The following EXT2 variants were observed in gnomAD, a reference collection of about 807,000 sequenced individuals.
EXT2 encodes exostosin-2.
In EXT2, 53 loss-of-function variants were observed where a neutral mutation model predicts 81.6. The ratio of observed to expected loss-of-function variants is 0.65; its 90% CI spans 0.52 to 0.82. The LOEUF (loss-of-function observed/expected upper bound fraction) is 0.82, where lower values mean the gene tolerates loss of function less well. EXT2 is among the 40% of genes least tolerant of loss of function. The pLI is 0.00. For synonymous variants in EXT2, 320 were observed against 340.0 expected, an observed-to-expected ratio of 0.94 and a Z score of 0.65; for missense variants, 774 against 910.2, an observed-to-expected ratio of 0.85 and a Z score of 1.93.
chr11:44,144,140 A>T lies in EXT2; in HGVS notation c.1173+14002A>T, dbSNP rs886658635. ...GGTTTTAGCATAGCAAACATGGAAA[A>T]TCTCGCCCCAGGCAGATTCCTTTAT... On this transcript the variant is annotated intron_variant, in intron 7 of 13. Transcript: ENST00000533608. 4.3e-6 allele frequency: 4 copies of T among 928,438 alleles called. No homozygotes were observed. In the East Asian group the frequency reaches 7.2e-5, roughly 17 times the overall value. 57.5% of individuals were successfully genotyped at this position (928,438 alleles called of 1,614,324 possible).
intron 7 of EXT2, among the ~76,000 whole-genome samples, chr11:44,167,705 A>G (rs1287823449): frequency 6.6e-6 from 1 of 152,212 alleles, no homozygotes; most frequent in Admixed American, 6.5e-5. Flanking sequence ...GACCAAAATG[A>G]AGAGAAAAAC....
chr11:44,118,362 A>G (rs998291274), intron 4 of EXT2, among the ~76,000 whole-genome samples: 2 of 152,196 alleles, frequency 1.3e-5, no homozygotes, highest in Non-Finnish European at 2.9e-5. Flanking sequence ...ATTTATCTTC[A>G]TATGGTACAG....
rs558598597 is a variant in EXT2, at chr11:44,114,012, G to A, written c.627-173G>A. ...AAGGCTGGTGATTCAAGGATAGAAC[G>A]CAGCTGATGGCCCCGAGATGCGTGT... On this transcript the variant is annotated intron_variant, in intron 3 of 13. Transcript: ENST00000533608. 1.4e-4 allele frequency among the ~76,000 whole-genome samples: 21 copies of A among 152,182 alleles called. No individual in the cohort carries two copies. The South Asian group carries it at 4.4e-3, about 32-fold the overall frequency.
At chr11:44,178,767 C>T (rs939604806) in intron 8 of EXT2, among the ~76,000 whole-genome samples, 1 of 151,568 alleles carries the variant, frequency 6.6e-6, no homozygotes, top group Non-Finnish European at 1.5e-5. Flanking sequence ...TTGGCTTATT[C>T]TCTCCATCTT....
intron 10 of EXT2, among the ~76,000 whole-genome samples, chr11:44,212,820 G>A (rs1328222234): frequency 2.0e-5 from 3 of 152,204 alleles, no homozygotes; most frequent in Non-Finnish European, 4.4e-5. Context: ...AAAGTCAGAT[G>A]TAGGAGGCTA....
At chr11:44,224,651 T>C (rs923965599) in intron 10 of EXT2, among the ~76,000 whole-genome samples, 1 of 152,182 alleles carries the variant, frequency 6.6e-6, no homozygotes, top group Admixed American at 6.5e-5. Context: ...AGCAGATTTA[T>C]GCTTTGAAGC....
intron 9 of EXT2, among the ~76,000 whole-genome samples, chr11:44,198,710 G>A (rs559160892): frequency 6.6e-6 from 1 of 152,330 alleles, no homozygotes; most frequent in South Asian, 2.1e-4. Flanking sequence ...GCCTATTAAA[G>A]CCAGGAAGTT....
chr11:44,121,227 G>A lies in EXT2; in HGVS notation c.744-3562G>A, dbSNP rs75511001. On this transcript the variant is annotated intron_variant, in intron 4 of 13. Coordinates refer to ENST00000533608, the MANE Select transcript of EXT2 (RefSeq NM_207122.2). ...GTTGAAAATGGAGTAGCAGTAGAGC[G>A]GGGATCCAGTGATCCTGGTAACTGA... is the stretch of plus-strand genomic sequence containing the variant. 3.4e-3 allele frequency among the ~76,000 whole-genome samples: 524 copies of A among 152,292 alleles called. 5 individuals are homozygous for A. Among genetic ancestry groups the A allele is most frequent in the East Asian group, 0.031 (158 of 5,180 alleles).
chr11:44,157,901 T>C (rs1954877979), intron 7 of EXT2, among the ~76,000 whole-genome samples: 1 of 152,182 alleles, frequency 6.6e-6, no homozygotes, highest in Non-Finnish European at 1.5e-5. Flanking sequence ...GTACCACTGA[T>C]GTTTATTCAG....
intron 7 of EXT2, among the ~76,000 whole-genome samples, chr11:44,138,844 T>C (rs1262948545): frequency 6.6e-6 from 1 of 152,170 alleles, no homozygotes; most frequent in Non-Finnish European, 1.5e-5. Flanking sequence ...AGTAGTTGTA[T>C]TGATTAAATG....
intron 13 of EXT2, among the ~76,000 whole-genome samples, chr11:44,241,468 T>C (rs945634520): frequency 1.3e-5 from 2 of 152,204 alleles, no homozygotes; most frequent in African/African-American, 2.4e-5. Flanking sequence ...CAAATATTTA[T>C]TGAGCATCTT....
rs532584683 is a variant in EXT2, at chr11:44,245,837, C to T, written c.*1550C>T. ...GTCTTCTTTCATTTGAATAAGTGAT[C>T]GAATCATGGACTATTATTGCCAAAG... On this transcript the variant is annotated 3_prime_UTR_variant, in exon 14 of 14. Coordinates refer to ENST00000533608, the MANE Select transcript of EXT2 (RefSeq NM_207122.2). Among the ~76,000 whole-genome samples, 14 of 152,320 alleles carry T rather than the reference C, an allele frequency of 9.2e-5. No homozygotes were observed. In the East Asian group the frequency reaches 2.5e-3, roughly 27 times the overall value.
chr11:44,107,511 G>C (rs751216241), intron 1 of EXT2, among the ~76,000 whole-genome samples, 172 bp from the exon 2 acceptor site: 23 of 152,116 alleles, frequency 1.5e-4, no homozygotes, highest in Non-Finnish European at 2.2e-4. Context: ...TGAGCCTGGG[G>C]AGGTGAAGGT....
intron 3 of EXT2, among the ~76,000 whole-genome samples, chr11:44,111,847 T>C (rs1311046320): frequency 1.3e-5 from 2 of 152,214 alleles, no homozygotes; most frequent in Non-Finnish European, 2.9e-5. Context: ...CTCTGCATGA[T>C]ACAGCCTTTT....
chr11:44,152,241 A>G (rs1954801495), intron 7 of EXT2, among the ~76,000 whole-genome samples: 1 of 152,094 alleles, frequency 6.6e-6, no homozygotes, highest in Admixed American at 6.5e-5. Context: ...CTTATCTATT[A>G]TTTATTTCAT....
intron 1 of EXT2, among the ~76,000 whole-genome samples, chr11:44,099,740 C>A (rs888869511): frequency 6.6e-6 from 1 of 152,178 alleles, no homozygotes; most frequent in African/African-American, 2.4e-5. Context: ...TTAACCAATT[C>A]ATAAAATGTG....
intron 3 of EXT2, among the ~76,000 whole-genome samples, chr11:44,112,811 T>C (rs1954164785): frequency 6.6e-6 from 1 of 152,200 alleles, no homozygotes. Context: ...GTTGATGTGA[T>C]ATACAACTGC....
rs1345821503 is a variant in EXT2 at position 44,234,246 on chromosome 11, A to G, written c.1935+3A>G. 1 of 1,613,794 alleles carries G rather than the reference A, an allele frequency of 6.2e-7. No homozygotes were observed. The highest frequency in any genetic ancestry group is 1.1e-5 in the South Asian group (1 of 91,026). ...TCACGGGAAAAGCAGTTATCAAGGT[A>G]GGAGGCTCTGCCACTCACTTGCTTT... On this transcript the variant is annotated splice_donor_region_variant and intron_variant, in intron 12 of 13. Coordinates refer to ENST00000533608, the MANE Select transcript of EXT2 (RefSeq NM_207122.2).
In EXT2 at chr11:44,122,670, C is replaced by T. The variant is rs114894312; in HGVS notation, c.744-2119C>T. On this transcript the variant is annotated intron_variant, in intron 4 of 13. Coordinates refer to ENST00000533608, the MANE Select transcript of EXT2 (RefSeq NM_207122.2). ...AACCAGTCTGTACAGCTGATCCAAA[C>T]CATCTCCCTGCTGGGTTGCTGTTGT... Among the ~76,000 whole-genome samples the T allele has an allele frequency of 5.1e-3, 779 of 152,304 alleles. 7 individuals carry two copies. Among genetic ancestry groups the T allele is most frequent in the African/African-American group, 0.018 (732 of 41,562 alleles).
Sources: allele counts gnomAD v4.1 joint callset (sites outside exome capture counted in the v4.1 genomes callset), GRCh38; gene constraint gnomAD v4.1.1; transcripts MANE v1.5; gene names NCBI Gene and HGNC (gene_info 2026-07-23, HGNC 2026-07-21).